WRNIP1: variants seen among roughly 807,000 people sequenced by gnomAD.
WRNIP1 encodes the protein WRN helicase interacting protein 1.
Under a neutral mutation model 56.1 loss-of-function variants are expected in WRNIP1, and 41 were observed. The observed-to-expected ratio is 0.73, with a 90% CI of 0.57 to 0.95. WRNIP1 has a LOEUF of 0.95. WRNIP1 is among the 40% of genes least tolerant of loss of function. The probability of loss-of-function intolerance (pLI) is 0.00; values close to 1 mark genes in which losing one functional copy is unlikely to be tolerated. For missense variants in WRNIP1, 1,170 were observed against 939.4 expected, an observed-to-expected ratio of 1.25 and a Z score of -3.21; for synonymous variants, 547 against 398.1, an observed-to-expected ratio of 1.37 and a Z score of -4.45.
At chr6:2,768,564 G>T (rs896125917) in intron 1 of WRNIP1, 127 bp from the exon 2 acceptor site, 7 of 648,928 alleles carry the variant, frequency 1.1e-5, no homozygotes, top group Non-Finnish European at 1.7e-5. Flanking sequence ...TTTCTGTGCT[G>T]CTCAGCATTC....
At chr6:2,767,440 T>C (rs1765067660) in intron 1 of WRNIP1, among the ~76,000 whole-genome samples, 1 of 152,246 alleles carries the variant, frequency 6.6e-6, no homozygotes, top group Admixed American at 6.5e-5. Flanking sequence ...TTTCTAGCTT[T>C]ATCTCCCACA....
At position 2,785,271 on chromosome 6, in the gene WRNIP1, AG is replaced by A; in HGVS notation, c.1989del (p.Arg664GlyfsTer16). On this transcript the variant is annotated frameshift_variant, in exon 7 of 7. Coordinates refer to ENST00000380773, the MANE Select transcript of WRNIP1 (RefSeq NM_020135.3). LOFTEE classifies it high-confidence loss of function. ...ELRGVDFFKQRRC is the reference protein window; with the variant it reads ...ELRGVDFFKQXRC ...GAGGGGGGTAGATTTCTTCAAGCAG[AG>A]GAGGTGCTGACTCCTCAGGGCACGA... The A allele has an allele frequency of 6.2e-7, 1 of 1,613,692 alleles. No individual in the cohort carries two copies.
rs758250105 is a variant in WRNIP1 at position 2,783,497 on chromosome 6, C to T, written c.1578C>T (p.Leu526=). 61 of 1,613,610 alleles carry T rather than the reference C, an allele frequency of 3.8e-5. No homozygotes were observed. In the Middle Eastern group the frequency reaches 1.8e-3, roughly 48 times the overall value. ...NASLYWLARM[L]EGGEDPLYVA... is the part of the protein sequence containing the mutation. ...CCCTCTACTGGCTGGCTCGCATGCT[C>T]GAGGGAGGAGAGGACCCACTCTACG... The change falls in exon 5 of 7, where the codon CTC becomes CTT. Residue 526 remains leucine (L), a synonymous_variant. Coordinates refer to ENST00000380773, the MANE Select transcript of WRNIP1 (RefSeq NM_020135.3).
chr6:2,778,269 ATGTTC>A (rs1765477835), intron 3 of WRNIP1, among the ~76,000 whole-genome samples: 1 of 152,188 alleles, frequency 6.6e-6, no homozygotes, highest in Non-Finnish European at 1.5e-5. Flanking sequence ...TTTACTGTAG[ATGTTC>A]TCAGCTGAAT....
chr6:2,783,569 T>G lies in WRNIP1; in HGVS notation c.1642+8T>G. ...TTGCCAGCGAGGACATAGGTGAGTG[T>G]GATGGGAGGGTCCCGGAGTCCTATG... On this transcript the variant is annotated splice_region_variant and intron_variant, in intron 5 of 6. Coordinates refer to ENST00000380773, the MANE Select transcript of WRNIP1 (RefSeq NM_020135.3). 1 of 1,542,022 alleles carries G rather than the reference T, an allele frequency of 6.5e-7. No homozygotes were observed. Among genetic ancestry groups the G allele is most frequent in the South Asian group, 1.1e-5 (1 of 88,386 alleles).
In WRNIP1 at chr6:2,770,114, G is replaced by C. The variant is rs776961406; in HGVS notation, c.1015-6G>C. 1.2e-6 allele frequency: 2 copies of C among 1,614,054 alleles called. No homozygotes were observed. Among genetic ancestry groups the C allele is most frequent in the African/African-American group, 2.7e-5 (2 of 74,946 alleles). ...TCACTTTTTTCTGTTTTCCTCCCAT[G>C]ATTAGGACACTTTCCTTCCTCACGT... On this transcript the variant is annotated splice_region_variant and splice_polypyrimidine_tract_variant and intron_variant, in intron 2 of 6. Coordinates refer to ENST00000380773, the MANE Select transcript of WRNIP1 (RefSeq NM_020135.3).
rs1016789062 is a variant in WRNIP1 at position 2,785,436 on chromosome 6, C to T, written c.*154C>T. The stretch of plus-strand genomic sequence containing the variant: ...GAGTTCCATAGGTGGAGGCGCAGTT[C>T]TTTCGAATAAATGTGTAACTTTGAA... On this transcript the variant is annotated 3_prime_UTR_variant, in exon 7 of 7. Transcript: ENST00000380773. 1.3e-5 allele frequency: 10 copies of T among 776,740 alleles called. No individual in the cohort carries two copies. In the African/African-American group the frequency reaches 1.6e-4, roughly 12 times the overall value. 48.1% of individuals were successfully genotyped at this position (776,740 alleles called of 1,614,324 possible).
chr6:2,766,174 C>T lies in WRNIP1; in HGVS notation c.552C>T (p.Asp184=). Residue 184 remains aspartate, a synonymous_variant, in exon 1 of 7, where the codon GAC becomes GAT. Coordinates refer to ENST00000380773, the MANE Select transcript of WRNIP1 (RefSeq NM_020135.3). ...GGGACGCGGACGCGGACGGCGAGGA[C>T]GACCCGGGGCACTGGGACGCGGACG... ...GDGDADADGE[D]DPGHWDADAA... 7.4e-7 allele frequency: 1 copy of T among 1,343,960 alleles called. No individual in the cohort carries two copies. The highest frequency in any genetic ancestry group is 9.5e-7 in the Non-Finnish European group (1 of 1,053,056). 83.3% of individuals were successfully genotyped at this position (1,343,960 alleles called of 1,614,324 possible).
chr6:2,767,036 C>T (rs779249252), intron 1 of WRNIP1, among the ~76,000 whole-genome samples: 12 of 152,094 alleles, frequency 7.9e-5, no homozygotes, highest in Admixed American at 6.6e-4. Flanking sequence ...AACATAAAAA[C>T]TTTTTCATCT....
At chr6:2,779,016 T>C (rs1004544388) in intron 3 of WRNIP1, among the ~76,000 whole-genome samples, 22 of 152,198 alleles carry the variant, frequency 1.4e-4, no homozygotes, top group Admixed American at 3.9e-4. Context: ...CAGACTTAGA[T>C]GTATGAACCT....
intron 2 of WRNIP1, among the ~76,000 whole-genome samples, chr6:2,769,440 GCTGAGAT>G (rs1473644871): frequency 6.6e-6 from 1 of 151,836 alleles, no homozygotes; most frequent in Admixed American, 6.6e-5. Context: ...ATTTTATTGG[GCTGAGAT>G]CTGAGAGCTA....
At chr6:2,780,738 C>T (rs903345987) in intron 4 of WRNIP1, among the ~76,000 whole-genome samples, 3 of 152,120 alleles carry the variant, frequency 2.0e-5, no homozygotes, top group Admixed American at 6.5e-5. Context: ...TCTCACCATG[C>T]CGGGATCGCC....
intron 1 of WRNIP1, among the ~76,000 whole-genome samples, chr6:2,768,339 T>A (rs2113452050): frequency 6.6e-6 from 1 of 152,292 alleles, no homozygotes; most frequent in South Asian, 2.1e-4. Context: ...AATTTTCTCT[T>A]TGGTGAGAGG....
chr6:2,765,510 G>T lies in WRNIP1; in HGVS notation c.-113G>T, dbSNP rs1764898357. 3 of 1,264,200 alleles carry T rather than the reference G, an allele frequency of 2.4e-6. No homozygotes were observed. 78.3% of individuals were successfully genotyped at this position (1,264,200 alleles called of 1,614,324 possible). A position where few individuals can be genotyped will look rare whatever the true frequency, so the allele number is the denominator to read the frequency against. ...TCCTCCGGCCCGCGAGCGTCCTGCT[G>T]GTTCCCCGAGCGAGGGTCTCGCGGC... On this transcript the variant is annotated 5_prime_UTR_variant, in exon 1 of 7. Transcript: ENST00000380773.
chr6:2,783,675 T>G (rs1278099702), intron 5 of WRNIP1, 114 bp downstream of exon 5: 9 of 532,956 alleles, frequency 1.7e-5, no homozygotes, highest in Admixed American at 1.2e-4. Context: ...TGGGCGGGGG[T>G]AGCAGGAAGA....
chr6:2,776,141 T>G (rs1191153829), intron 3 of WRNIP1, among the ~76,000 whole-genome samples: 2 of 152,248 alleles, frequency 1.3e-5, no homozygotes, highest in Non-Finnish European at 2.9e-5. Flanking sequence ...TTCATCATTC[T>G]TGGCATGAGT....
At chr6:2,769,191 C>T (rs1385668912) in intron 2 of WRNIP1, among the ~76,000 whole-genome samples, 6 of 152,118 alleles carry the variant, frequency 3.9e-5, no homozygotes, top group Non-Finnish European at 7.4e-5. Context: ...TCATTGTGAA[C>T]AGTAAAATAA....
chr6:2,765,784 G>C lies in WRNIP1; in HGVS notation c.162G>C (p.Ser54=), dbSNP rs1409004036. 1.3e-5 allele frequency: 18 copies of C among 1,433,518 alleles called. No homozygotes were observed. Among genetic ancestry groups the C allele is most frequent in the Non-Finnish European group, 1.6e-5 (17 of 1,094,506 alleles). 88.8% of individuals were successfully genotyped at this position (1,433,518 alleles called of 1,614,324 possible). The part of the protein sequence containing the change: ...PAGHAEPAAG[S]HRAGERAKGP... ...GGCACGCGGAGCCCGCGGCCGGGTC[G>C]CACCGCGCCGGGGAGCGGGCCAAGG... Residue 54 remains serine, a synonymous_variant, in exon 1 of 7, where the codon TCG becomes TCC. Coordinates refer to ENST00000380773, the MANE Select transcript of WRNIP1 (RefSeq NM_020135.3).
Position 2,784,372 on chromosome 6 carries a change from G to C in WRNIP1, c.1691G>C (p.Gly564Ala). The C allele has an allele frequency of 6.2e-7, 1 of 1,614,104 alleles. No individual in the cohort carries two copies. Among genetic ancestry groups the C allele is most frequent in the Non-Finnish European group, 8.5e-7 (1 of 1,179,974 alleles). The stretch of plus-strand genomic sequence containing the variant: ...ACACAAGCGGTTGCTGCCTACCAAG[G>C]CTGTCATTTTATAGGCATGCCTGAA... ...ALTQAVAAYQ[G>A]CHFIGMPECE... Residue 564 changes from glycine (G) to alanine (A), a missense_variant, in exon 6 of 7, where the codon GGC becomes GCC. Transcript: ENST00000380773.
Sources: allele counts gnomAD v4.1 joint callset (sites outside exome capture counted in the v4.1 genomes callset), GRCh38; gene constraint gnomAD v4.1.1; transcripts MANE v1.5; gene names NCBI Gene and HGNC (gene_info 2026-07-23, HGNC 2026-07-21).